LDB2: variants seen among roughly 807,000 people sequenced by gnomAD.
LDB2 encodes the protein LIM domain-binding protein 2.
LDB2 carries 12 observed loss-of-function variants against 44.3 expected under a neutral mutation model. The observed-to-expected ratio is 0.27, with a 90% CI of 0.17 to 0.44. LDB2 has a LOEUF of 0.44. LDB2 is among the 20% of genes least tolerant of loss of function. The probability of loss-of-function intolerance (pLI) is 1.00; values close to 1 mark genes in which losing one functional copy is unlikely to be tolerated. For missense variants in LDB2, 344 were observed against 473.5 expected (o/e 0.73, Z 2.54); for synonymous variants, 164 against 174.8 (o/e 0.94, Z 0.49).
At chr4:16,604,268 G>C (rs1381694155) in intron 2 of LDB2, among the ~76,000 whole-genome samples, 1 of 152,078 alleles carries the variant, frequency 6.6e-6, no homozygotes, top group Non-Finnish European at 1.5e-5. Context: ...TTTAAAACTT[G>C]TATTTCTATT....
chr4:16,664,795 T>A (rs1320863112), intron 2 of LDB2, among the ~76,000 whole-genome samples: 1 of 152,236 alleles, frequency 6.6e-6, no homozygotes, highest in East Asian at 1.9e-4. Context: ...TGCACATTTG[T>A]ACTCTCTGCA....
chr4:16,642,171 G>A (rs772535463), intron 2 of LDB2, among the ~76,000 whole-genome samples: 2 of 152,182 alleles, frequency 1.3e-5, no homozygotes, highest in Non-Finnish European at 2.9e-5. Flanking sequence ...AAAGCCAAGT[G>A]CTTGGAGGGA....
intron 1 of LDB2, among the ~76,000 whole-genome samples, chr4:16,831,593 T>A (rs1436572150): frequency 1.3e-5 from 2 of 152,092 alleles, no homozygotes; most frequent in African/African-American, 2.4e-5. Context: ...CAAGGAGCAT[T>A]TCTAAATGAA....
chr4:16,705,474 G>A (rs898155649), intron 2 of LDB2, among the ~76,000 whole-genome samples: 4 of 152,156 alleles, frequency 2.6e-5, no homozygotes, highest in African/African-American at 9.7e-5. Flanking sequence ...GTAATTTGCT[G>A]TGAGAACAAC....
At chr4:16,775,768 C>T (rs1191522827) in intron 1 of LDB2, among the ~76,000 whole-genome samples, 2 of 152,154 alleles carry the variant, frequency 1.3e-5, no homozygotes, top group African/African-American at 4.8e-5. Flanking sequence ...TCCTCAAGGG[C>T]AGGATCGGTG....
chr4:16,860,926 T>C (rs1712336809), intron 1 of LDB2, among the ~76,000 whole-genome samples: 1 of 150,872 alleles, frequency 6.6e-6, no homozygotes, highest in South Asian at 2.1e-4. Flanking sequence ...AAAAAAAAAA[T>C]CAATCTAAAA....
intron 2 of LDB2, among the ~76,000 whole-genome samples, chr4:16,734,571 A>C (rs534140412): frequency 3.9e-5 from 6 of 152,088 alleles, no homozygotes; most frequent in Non-Finnish European, 8.8e-5. Context: ...CCTTCCATCC[A>C]GAGTCCTTCC....
intron 2 of LDB2, among the ~76,000 whole-genome samples, chr4:16,721,920 C>T (rs1039258134): frequency 1.3e-5 from 2 of 151,994 alleles, no homozygotes; most frequent in African/African-American, 2.4e-5. Context: ...GTCCATGGCT[C>T]GGCAAAGTAA....
At chr4:16,572,232 T>A (rs556019255) in intron 5 of LDB2, among the ~76,000 whole-genome samples, 1 of 152,314 alleles carries the variant, frequency 6.6e-6, no homozygotes, top group East Asian at 1.9e-4. Context: ...CTGTTTTTTT[T>A]GTTTTTGTTT....
At chr4:16,523,773 G>A (rs1027499120) in intron 5 of LDB2, among the ~76,000 whole-genome samples, 3 of 152,176 alleles carry the variant, frequency 2.0e-5, no homozygotes, top group South Asian at 2.1e-4. Flanking sequence ...GTTTCATCAC[G>A]CTACTCAGAA....
chr4:16,720,796 T>A (rs541123164), intron 2 of LDB2, among the ~76,000 whole-genome samples: 1 of 152,196 alleles, frequency 6.6e-6, no homozygotes, highest in African/African-American at 2.4e-5. Context: ...GGAATTACCA[T>A]GTTGCAGCAA....
At chr4:16,537,926 C>T (rs1732416257) in intron 5 of LDB2, among the ~76,000 whole-genome samples, 1 of 152,172 alleles carries the variant, frequency 6.6e-6, no homozygotes, top group African/African-American at 2.4e-5. Context: ...ACAGGAGTTG[C>T]CTCCCAGGGA....
At chr4:16,897,483 T>C (rs550911217) in intron 1 of LDB2, among the ~76,000 whole-genome samples, 57 of 152,250 alleles carry the variant, frequency 3.7e-4, no homozygotes, top group Admixed American at 9.1e-4. Context: ...TGACATAAAA[T>C]ATTTAAATTG....
chr4:16,705,775 T>C (rs569152111), intron 2 of LDB2, among the ~76,000 whole-genome samples: 1 of 152,304 alleles, frequency 6.6e-6, no homozygotes, highest in Admixed American at 6.5e-5. Flanking sequence ...CATTGTTATT[T>C]TCCCCACTTC....
chr4:16,798,238 T>C lies in LDB2; in HGVS notation c.133-38978A>G, dbSNP rs116656296. Among the ~76,000 whole-genome samples the C allele has an allele frequency of 2.1e-3, 319 of 152,226 alleles. 1 individual carries two copies. The highest frequency in any genetic ancestry group is 3.2e-3 in the Non-Finnish European group (220 of 68,020). On this transcript the variant is annotated intron_variant, in intron 1 of 7. Coordinates refer to ENST00000304523, the MANE Select transcript of LDB2 (RefSeq NM_001290.5). ...TTTTTGAGGGCTTTCCATGTGTCCTTTCTCTGCATTGTGAATATTATTATA... is the reference window on the plus strand; with the variant it reads ...TTTTTGAGGGCTTTCCATGTGTCCTCTCTCTGCATTGTGAATATTATTATA...
chr4:16,653,142 C>T (rs1437215927), intron 2 of LDB2, among the ~76,000 whole-genome samples: 2 of 152,136 alleles, frequency 1.3e-5, no homozygotes, highest in African/African-American at 2.4e-5. Flanking sequence ...AGGGGCCCTG[C>T]AGCTGATAGA....
intron 1 of LDB2, among the ~76,000 whole-genome samples, chr4:16,882,047 T>G (rs1051382818): frequency 6.6e-6 from 1 of 152,200 alleles, no homozygotes; most frequent in African/African-American, 2.4e-5. Flanking sequence ...TCTGTGCATG[T>G]GTATGCACGT....
chr4:16,727,974 A>G (rs1339555257), intron 2 of LDB2, among the ~76,000 whole-genome samples: 1 of 152,210 alleles, frequency 6.6e-6, no homozygotes, highest in Non-Finnish European at 1.5e-5. Context: ...GGGAGCAGCC[A>G]TTTAAAAATG....
chr4:16,695,101 G>A (rs539044893), intron 2 of LDB2, among the ~76,000 whole-genome samples: 81 of 152,268 alleles, frequency 5.3e-4, no homozygotes, highest in African/African-American at 1.8e-3. Context: ...TGAGATCCAA[G>A]GAACCTCAAG....
Sources: allele counts gnomAD v4.1 joint callset (sites outside exome capture counted in the v4.1 genomes callset), GRCh38; gene constraint gnomAD v4.1.1; transcripts MANE v1.5; gene names NCBI Gene and HGNC (gene_info 2026-07-23, HGNC 2026-07-21).